B3GALT1: variants seen among roughly 807,000 people sequenced by gnomAD.
B3GALT1 encodes the protein UDP-Gal:betaGlcNAc beta 1,3-galactosyltransferase, polypeptide 1.
In B3GALT1, 10 loss-of-function variants were observed where a neutral mutation model predicts 23.2. The ratio of observed to expected loss-of-function variants is 0.43; its 90% CI spans 0.27 to 0.73. B3GALT1 has a LOEUF of 0.73. Among genes scored for constraint, B3GALT1 ranks in the 30% least tolerant of loss-of-function variants. The pLI is 0.21. For missense variants in B3GALT1, 299 were observed against 405.4 expected (o/e 0.74, Z 2.25); for synonymous variants, 156 against 141.5 (o/e 1.10, Z -0.73).
At chr2:167,584,041 G>A (rs1684538377) in intron 2 of B3GALT1, among the ~76,000 whole-genome samples, 1 of 148,860 alleles carries the variant, frequency 6.7e-6, no homozygotes, top group Non-Finnish European at 1.5e-5. Context: ...TGGGGGTGGG[G>A]TGGCAGGCTG....
chr2:167,298,292 A>G (rs1696389411), intron 1 of B3GALT1, among the ~76,000 whole-genome samples: 1 of 152,108 alleles, frequency 6.6e-6, no homozygotes, highest in Non-Finnish European at 1.5e-5. Context: ...ATCTAGAAAC[A>G]CTATTTGTTA....
chr2:167,734,880 T>A (rs1305959258), intron 3 of B3GALT1, among the ~76,000 whole-genome samples: 1 of 152,212 alleles, frequency 6.6e-6, no homozygotes, highest in Non-Finnish European at 1.5e-5. Context: ...TTTCTTTGCT[T>A]GATTTCCAAC....
At chr2:167,455,731 T>G (rs1699159898) in intron 1 of B3GALT1, among the ~76,000 whole-genome samples, 1 of 152,186 alleles carries the variant, frequency 6.6e-6, no homozygotes, top group Admixed American at 6.5e-5. Flanking sequence ...CACACTGGTG[T>G]CCAACTCCTG....
At chr2:167,407,295 G>A (rs901882924) in intron 1 of B3GALT1, among the ~76,000 whole-genome samples, 1 of 151,982 alleles carries the variant, frequency 6.6e-6, no homozygotes, top group Non-Finnish European at 1.5e-5. Flanking sequence ...TGAAACAAAT[G>A]AAAATGGAAA....
chr2:167,663,373 G>C (rs1686106871), intron 3 of B3GALT1, among the ~76,000 whole-genome samples: 1 of 151,358 alleles, frequency 6.6e-6, no homozygotes, highest in Non-Finnish European at 1.5e-5. Flanking sequence ...TTGGACATTT[G>C]GGTTGGTTCC....
chr2:167,352,374 C>G (rs981879118), intron 1 of B3GALT1, among the ~76,000 whole-genome samples: 1 of 150,672 alleles, frequency 6.6e-6, no homozygotes, highest in African/African-American at 2.5e-5. Context: ...TTGACATAGA[C>G]CTGTCGATAG....
chr2:167,750,659 G>A (rs1221177894), intron 3 of B3GALT1, among the ~76,000 whole-genome samples: 2 of 146,714 alleles, frequency 1.4e-5, no homozygotes, highest in Admixed American at 7.1e-5. Flanking sequence ...TTGGTTCACG[G>A]TTCACAACCT....
At chr2:167,586,696 A>G (rs1043866395) in intron 2 of B3GALT1, among the ~76,000 whole-genome samples, 6 of 152,356 alleles carry the variant, frequency 3.9e-5, no homozygotes, top group South Asian at 4.1e-4. Context: ...CATATGTCAC[A>G]TAGAATTAAA....
chr2:167,871,834 T>A lies in B3GALT1; in HGVS notation c.*1814T>A, dbSNP rs545832824. The stretch of plus-strand genomic sequence containing the variant: ...CTTCTACCATTTATTAGAAAACACC[T>A]GTTTGTTCTCAAAGAAAGCCCCACA... On this transcript the variant is annotated 3_prime_UTR_variant, in exon 5 of 5. Transcript: ENST00000392690. 6.6e-6 allele frequency: 1 copy of A among 151,876 alleles called. No homozygotes were observed. Among genetic ancestry groups the A allele is most frequent in the African/African-American group, 2.4e-5 (1 of 41,428 alleles). The allele number at this position is 151,876 out of a possible 1,614,324, so 9.4% of individuals were successfully genotyped here. A position where few individuals can be genotyped will look rare whatever the true frequency, so the allele number is the denominator to read the frequency against.
At chr2:167,713,183 A>G (rs900024702) in intron 3 of B3GALT1, among the ~76,000 whole-genome samples, 1 of 152,208 alleles carries the variant, frequency 6.6e-6, no homozygotes, top group Non-Finnish European at 1.5e-5. Flanking sequence ...ATCTAGAAAC[A>G]AGTAATTACA....
chr2:167,416,064 G>A lies in B3GALT1; in HGVS notation c.-510-74113G>A, dbSNP rs78726892. The stretch of plus-strand genomic sequence containing the variant: ...GTAAGAAGTGAAAAAGCTTGTTCAA[G>A]AGAGGAAACCAAGTAAGTGGCTGAG... On this transcript the variant is annotated intron_variant, in intron 1 of 4. Coordinates refer to ENST00000392690, the MANE Select transcript of B3GALT1 (RefSeq NM_020981.4). Among the ~76,000 whole-genome samples the A allele has an allele frequency of 5.1e-3, 773 of 152,328 alleles. 8 individuals carry two copies. The highest frequency in any genetic ancestry group is 0.018 in the African/African-American group (739 of 41,578).
intron 3 of B3GALT1, among the ~76,000 whole-genome samples, chr2:167,672,121 A>C (rs1686340426): frequency 6.6e-6 from 1 of 152,086 alleles, no homozygotes; most frequent in Non-Finnish European, 1.5e-5. Flanking sequence ...AAACTAAATA[A>C]TGTATTTGAA....
chr2:167,318,080 T>A (rs7594496), intron 1 of B3GALT1, among the ~76,000 whole-genome samples: 2 of 151,878 alleles, frequency 1.3e-5, no homozygotes, highest in Non-Finnish European at 2.9e-5. Flanking sequence ...GTAATCCCAG[T>A]GCTTTGGGAG....
chr2:167,794,721 C>A (rs1261038410), intron 3 of B3GALT1, among the ~76,000 whole-genome samples: 1 of 152,152 alleles, frequency 6.6e-6, no homozygotes. Flanking sequence ...CTTTTTATTT[C>A]TCCTCCAAAG....
chr2:167,644,429 C>CT (rs1685707911), intron 2 of B3GALT1, among the ~76,000 whole-genome samples: 1 of 152,244 alleles, frequency 6.6e-6, no homozygotes, highest in African/African-American at 2.4e-5. Context: ...CCTGAAAACC[C>CT]TGTACCCAGA....
chr2:167,536,005 C>T (rs926266254), intron 2 of B3GALT1, among the ~76,000 whole-genome samples: 2 of 152,058 alleles, frequency 1.3e-5, no homozygotes, highest in Non-Finnish European at 2.9e-5. Flanking sequence ...CTCACTGCAA[C>T]CTCCGCCTCC....
At position 167,625,942 on chromosome 2, in the gene B3GALT1, CATATATATATATATAT is replaced by C. The variant is rs10522850; in HGVS notation, c.-409-20938_-409-20923del. 3.3e-3 allele frequency among the ~76,000 whole-genome samples: 389 copies of C among 118,450 alleles called. 5 individuals carry two copies. The highest frequency in any genetic ancestry group is 0.01 in the African/African-American group (280 of 27,672). The allele number at this position is 118,450 out of a possible 152,430, so 77.7% of individuals were successfully genotyped here. On this transcript the variant is annotated intron_variant, in intron 2 of 4. Coordinates refer to ENST00000392690, the MANE Select transcript of B3GALT1 (RefSeq NM_020981.4). ...ATGACAGAAAAATCAATGACTAGGCCATATATATATATATATATATATATATATATATATATATATA... is the reference window on the plus strand; with the variant it reads ...ATGACAGAAAAATCAATGACTAGGCCATATATATATATATATATATATATA...
intron 1 of B3GALT1, among the ~76,000 whole-genome samples, chr2:167,302,081 A>C (rs1696457459): frequency 6.6e-6 from 1 of 152,202 alleles, no homozygotes; most frequent in Non-Finnish European, 1.5e-5. Context: ...AAGGGGAATA[A>C]TTAAATTGTG....
intron 2 of B3GALT1, among the ~76,000 whole-genome samples, chr2:167,639,248 G>A (rs1331087711): frequency 6.6e-6 from 1 of 151,928 alleles, no homozygotes; most frequent in African/African-American, 2.4e-5. Context: ...AGCTATGATG[G>A]ATCATTGTAA....
Sources: allele counts gnomAD v4.1 joint callset (sites outside exome capture counted in the v4.1 genomes callset), GRCh38; gene constraint gnomAD v4.1.1; transcripts MANE v1.5; gene names NCBI Gene and HGNC (gene_info 2026-07-23, HGNC 2026-07-21).